Variants in ITGA9 observed in about 807,000 individuals in gnomAD.
The protein encoded by ITGA9 is integrin alpha-9.
Under a neutral mutation model 127.8 loss-of-function variants are expected in ITGA9, and 56 were observed. The ratio of observed to expected loss-of-function variants is 0.44; its 90% CI spans 0.35 to 0.55. ITGA9 has a LOEUF of 0.55. Among genes scored for constraint, ITGA9 ranks in the 20% least tolerant of loss-of-function variants. ITGA9 has a pLI of 0.00. For synonymous variants in ITGA9, 508 were observed against 514.5 expected (o/e 0.99, Z 0.17); for missense variants, 1,196 against 1,347.1 (o/e 0.89, Z 1.76).
intron 18 of ITGA9, among the ~76,000 whole-genome samples, chr3:37,719,774 T>C (rs1003726880): frequency 3.9e-5 from 6 of 152,032 alleles, no homozygotes; most frequent in African/African-American, 1.5e-4. Flanking sequence ...TTCACTACCC[T>C]CTCCTGGAGC....
intron 15 of ITGA9, among the ~76,000 whole-genome samples, chr3:37,562,308 A>G (rs1279330776): frequency 6.6e-6 from 1 of 152,110 alleles, no homozygotes; most frequent in Non-Finnish European, 1.5e-5. Context: ...GTCTGTCCCC[A>G]TCCCCACTGC....
chr3:37,627,496 C>T (rs1345871549), intron 15 of ITGA9, among the ~76,000 whole-genome samples: 1 of 152,192 alleles, frequency 6.6e-6, no homozygotes, highest in African/African-American at 2.4e-5. Context: ...GCTTCTGTGG[C>T]CCCGTACACG....
chr3:37,627,080 G>A lies in ITGA9; in HGVS notation c.1690-2107G>A, dbSNP rs76967684. Among the ~76,000 whole-genome samples, 642 of 152,234 alleles carry A rather than the reference G, an allele frequency of 4.2e-3. 3 individuals carry two copies. Among genetic ancestry groups the A allele is most frequent in the African/African-American group, 0.015 (624 of 41,546 alleles). On this transcript the variant is annotated intron_variant, in intron 15 of 27. Transcript: ENST00000264741. ...CTCCCAGAGGGACATGAGTATCAAA[G>A]GTCTGCCCCGATATCTGGAGTTCAA...
intron 7 of ITGA9, among the ~76,000 whole-genome samples, chr3:37,507,911 C>T (rs77422813): frequency 0.055 from 8,320 of 152,272 alleles, 277 homozygotes; most frequent in East Asian, 0.093. Context: ...TAGTCAAGTA[C>T]ATTTAGGAAG....
chr3:37,489,247 C>G (rs11717498), intron 4 of ITGA9, among the ~76,000 whole-genome samples: 27,469 of 152,156 alleles, frequency 0.18, 2,547 homozygotes, highest in Middle Eastern at 0.23. Flanking sequence ...AAAACATTTT[C>G]TTTGGATGAT....
intron 15 of ITGA9, among the ~76,000 whole-genome samples, chr3:37,558,774 C>G (rs570553892): frequency 6.6e-6 from 1 of 152,174 alleles, no homozygotes; most frequent in Non-Finnish European, 1.5e-5. Flanking sequence ...ATTCCCATGC[C>G]TTCCAGACTC....
intron 15 of ITGA9, among the ~76,000 whole-genome samples, chr3:37,616,474 A>G (rs1370054714): frequency 6.6e-6 from 1 of 152,172 alleles, no homozygotes; most frequent in Middle Eastern, 3.2e-3. Flanking sequence ...GTAGATGTCT[A>G]TTAGGTCCAC....
rs1357012501 is a variant in ITGA9, at chr3:37,720,021, A to G, written c.2068-12691A>G. 2.0e-5 allele frequency among the ~76,000 whole-genome samples: 3 copies of G among 152,202 alleles called. No individual in the cohort carries two copies. In the East Asian group the frequency reaches 5.8e-4, roughly 29 times the overall value. On this transcript the variant is annotated intron_variant, in intron 18 of 27. Transcript: ENST00000264741. Reference sequence around the variant, plus strand: ...ATCATGTTTCCTCCAGGGAGGGCTCAGTGACATGGAGCAGTGCTTCTCAAA... The same window carrying G: ...ATCATGTTTCCTCCAGGGAGGGCTCGGTGACATGGAGCAGTGCTTCTCAAA...
intron 26 of ITGA9, among the ~76,000 whole-genome samples, chr3:37,797,823 T>G (rs934075464): frequency 6.6e-6 from 1 of 151,838 alleles, no homozygotes; most frequent in African/African-American, 2.4e-5. Flanking sequence ...CATCCTAGAT[T>G]CAAGTGATTA....
intron 20 of ITGA9, among the ~76,000 whole-genome samples, chr3:37,739,312 A>G (rs1299778937): frequency 2.0e-5 from 3 of 152,230 alleles, no homozygotes; most frequent in African/African-American, 4.8e-5. Context: ...AGTTTCTTAA[A>G]TCACAAATGT....
At chr3:37,517,641 T>C in intron 10 of ITGA9, 32 bp downstream of exon 10, 3 of 1,450,328 alleles carry the variant, frequency 2.1e-6, no homozygotes, top group Non-Finnish European at 2.8e-6. Flanking sequence ...ACGGAGCCCC[T>C]CCAGGTGCAG....
chr3:37,607,633 A>G (rs1045617308), intron 15 of ITGA9, among the ~76,000 whole-genome samples: 2 of 152,222 alleles, frequency 1.3e-5, no homozygotes, highest in Non-Finnish European at 2.9e-5. Context: ...AAGACCCTTG[A>G]AAGATAACAG....
rs1697206314 is a variant in ITGA9, at chr3:37,799,037, A to G, written c.2890-4786A>G. Among the ~76,000 whole-genome samples the G allele has an allele frequency of 6.6e-6, 1 of 152,200 alleles. No homozygotes were observed. On this transcript the variant is annotated intron_variant, in intron 26 of 27. Transcript: ENST00000264741. This position sits in a 1 kb window ranked among gnomAD's most constrained non-coding sequence, Gnocchi z 4.0. ...AATGTTAGACACTTAGGATATTGCTAATTTAGTACCAATATAAATAATTCT... is the reference window on the plus strand; with the variant it reads ...AATGTTAGACACTTAGGATATTGCTGATTTAGTACCAATATAAATAATTCT...
chr3:37,480,433 C>G (rs1698541070), intron 3 of ITGA9, among the ~76,000 whole-genome samples: 1 of 152,280 alleles, frequency 6.6e-6, no homozygotes, highest in South Asian at 2.1e-4. Context: ...AGACCCTTGG[C>G]CATGAACCTT....
At chr3:37,805,997 T>C (rs1395676692) in intron 27 of ITGA9, 4 of 152,168 alleles carry the variant, frequency 2.6e-5, no homozygotes, top group African/African-American at 9.7e-5. Flanking sequence ...CTATTGCAGA[T>C]TGCCCTGTAG....
At chr3:37,525,317 A>G (rs1699082846) in intron 12 of ITGA9, among the ~76,000 whole-genome samples, 3 of 152,222 alleles carry the variant, frequency 2.0e-5, no homozygotes, top group Non-Finnish European at 4.4e-5. Flanking sequence ...ATAAATATTT[A>G]CTATAAATCT....
chr3:37,647,369 A>G (rs1700387120), intron 16 of ITGA9, among the ~76,000 whole-genome samples: 1 of 151,918 alleles, frequency 6.6e-6, no homozygotes, highest in Non-Finnish European at 1.5e-5. Flanking sequence ...TATGTAAGGT[A>G]TATAAAATGA....
chr3:37,463,043 G>T (rs1245913694), intron 1 of ITGA9, among the ~76,000 whole-genome samples: 3 of 152,082 alleles, frequency 2.0e-5, no homozygotes, highest in African/African-American at 7.3e-5. Context: ...TTCAGTAAAA[G>T]TCTGTGGTCC....
intron 15 of ITGA9, among the ~76,000 whole-genome samples, chr3:37,605,884 C>A (rs1046647434): frequency 1.2e-4 from 18 of 151,362 alleles, no homozygotes; most frequent in African/African-American, 4.4e-4. Context: ...TGATTAAACC[C>A]TTTTTTTTTA....
Sources: gnomAD v4.1 joint callset for allele counts (sites outside exome capture counted in the v4.1 genomes callset) on GRCh38, gnomAD v4.1.1 for gene constraint, Gnocchi (gnomAD v3.1) non-coding constraint, MANE v1.5 for transcripts, NCBI Gene and HGNC (gene_info 2026-07-23, HGNC 2026-07-21) for gene names.